Variants in KDM6A observed in about 807,000 individuals in gnomAD.
The protein encoded by KDM6A is lysine demethylase 6A.
In KDM6A, 11 loss-of-function variants were observed where a neutral mutation model predicts 117.6. The observed-to-expected ratio is 0.09, with a 90% CI of 0.06 to 0.15. The LOEUF (loss-of-function observed/expected upper bound fraction) is 0.15, where lower values mean the gene tolerates loss of function less well. Ranked by LOEUF, KDM6A falls within the 10% of genes least tolerant of loss-of-function variation. KDM6A has a pLI of 1.00. For synonymous variants in KDM6A, 384 were observed against 396.1 expected, an observed-to-expected ratio of 0.97 and a Z score of 0.36; for missense variants, 799 against 1,077.3, an observed-to-expected ratio of 0.74 and a Z score of 3.62.
At chrX:44,886,738 G>A (rs2032923203) in intron 2 of KDM6A, among the ~76,000 whole-genome samples, 1 of 109,463 alleles carries the variant, frequency 9.1e-6, no homozygotes, top group Non-Finnish European at 1.9e-5. Context: ...TGATCCACCC[G>A]CCTCTGCCTC....
intron 2 of KDM6A, among the ~76,000 whole-genome samples, chrX:44,920,399 G>C (rs2035838385): frequency 9.0e-6 from 1 of 110,780 alleles, no homozygotes; most frequent in South Asian, 3.7e-4. Flanking sequence ...AGCTTCTCTA[G>C]TTTTCATTAA....
intron 6 of KDM6A, among the ~76,000 whole-genome samples, chrX:45,023,809 G>A (rs2042262391): frequency 9.1e-6 from 1 of 110,110 alleles, no homozygotes; most frequent in Admixed American, 9.7e-5. Context: ...TCTCTTCCCC[G>A]AGTCCCCAAA....
chrX:45,054,248 T>C (rs897606933), intron 10 of KDM6A, among the ~76,000 whole-genome samples: 3 of 112,026 alleles, frequency 2.7e-5, no homozygotes, highest in Non-Finnish European at 5.6e-5. Context: ...TAACTTTTAA[T>C]GAAGTATTTA....
chrX:45,020,738 G>A lies in KDM6A; in HGVS notation c.564+8G>A, dbSNP rs2147669224. 8.3e-7 allele frequency: 1 copy of A among 1,205,979 alleles called. No individual in the cohort carries two copies. The highest frequency in any genetic ancestry group is 1.7e-5 in the African/African-American group (1 of 57,610). The stretch of plus-strand genomic sequence containing the variant: ...TATGAGTCTAGTTTAAAGGTAGGTT[G>A]TTGGGTTTTTTCAAGATACAATGTT... On this transcript the variant is annotated splice_region_variant and intron_variant, in intron 6 of 29. Transcript: ENST00000611820.
In KDM6A at chrX:45,030,975, G is replaced by A. The variant is rs560218576; in HGVS notation, c.565-3956G>A. Among the ~76,000 whole-genome samples, 9 of 112,119 alleles carry A rather than the reference G, an allele frequency of 8.0e-5. No homozygotes were observed. The South Asian group carries it at 3.3e-3, about 41-fold the overall frequency. On this transcript the variant is annotated intron_variant, in intron 6 of 29. Coordinates refer to ENST00000611820, the MANE Select transcript of KDM6A (RefSeq NM_001291415.2). ...CTCCCGAAGTGCTGAGATTATAGGT[G>A]TGAGCCACCATGCCCTGCCCTAAAT...
intron 2 of KDM6A, among the ~76,000 whole-genome samples, chrX:44,894,095 C>G (rs929509867): frequency 9.0e-6 from 1 of 111,374 alleles, no homozygotes; most frequent in African/African-American, 3.3e-5. Context: ...ATGAGTGTAT[C>G]TCATATGTAA....
At chrX:44,875,360 T>C (rs188162175) in intron 2 of KDM6A, among the ~76,000 whole-genome samples, 1 of 112,064 alleles carries the variant, frequency 8.9e-6, no homozygotes, top group Admixed American at 9.6e-5. Context: ...AATTATAAGG[T>C]GTTATATTGC....
chrX:44,984,254 G>C (rs2040074511), intron 4 of KDM6A, among the ~76,000 whole-genome samples: 1 of 110,791 alleles, frequency 9.0e-6, no homozygotes, highest in African/African-American at 3.3e-5. Flanking sequence ...TTGTTGATGG[G>C]GTTGTTTGTT....
chrX:44,917,025 C>CT (rs375157616), intron 2 of KDM6A, among the ~76,000 whole-genome samples: 6,145 of 96,583 alleles, frequency 0.064, 564 homozygotes, highest in African/African-American at 0.21. Flanking sequence ...TATATACTCA[C>CT]TTTTTTTTTT....
At chrX:44,921,194 A>C (rs56247424) in intron 2 of KDM6A, among the ~76,000 whole-genome samples, 4,149 of 111,500 alleles carry the variant, frequency 0.037, 94 homozygotes, top group Non-Finnish European at 0.061. Flanking sequence ...AATTTTTTCA[A>C]AAACTCTTTT....
intron 6 of KDM6A, among the ~76,000 whole-genome samples, chrX:45,025,288 G>T (rs1235189692): frequency 9.0e-6 from 1 of 110,753 alleles, no homozygotes; most frequent in African/African-American, 3.3e-5. Context: ...TCAGCCTCCC[G>T]AGTAGCTGGG....
intron 3 of KDM6A, 97 bp from the exon 4 acceptor site, chrX:44,974,569 A>T (rs190293239): frequency 1.1e-4 from 68 of 591,642 alleles, no homozygotes; most frequent in Middle Eastern, 3.9e-4. Context: ...ATCTACTGGG[A>T]GGTGGGTGTG....
intron 6 of KDM6A, among the ~76,000 whole-genome samples, chrX:45,031,948 A>C (rs1450525671): frequency 1.8e-5 from 2 of 110,888 alleles, no homozygotes; most frequent in African/African-American, 6.7e-5. Flanking sequence ...TTTGGTGATA[A>C]AGATGTCAAC....
At chrX:45,007,775 T>A (rs1486225593) in intron 4 of KDM6A, among the ~76,000 whole-genome samples, 1 of 111,335 alleles carries the variant, frequency 9.0e-6, no homozygotes, top group Non-Finnish European at 1.9e-5. Context: ...TAGTTAAGAG[T>A]GAGCTCTGGA....
At chrX:45,050,626 TGA>T (rs1569531074) in intron 8 of KDM6A, among the ~76,000 whole-genome samples, 6 of 111,928 alleles carry the variant, frequency 5.4e-5, no homozygotes, top group Non-Finnish European at 1.1e-4. Context: ...ATACTGGTAA[TGA>T]TATGAATAAA....
intron 2 of KDM6A, among the ~76,000 whole-genome samples, chrX:44,885,697 C>T (rs1162268550): frequency 2.7e-5 from 3 of 110,288 alleles, no homozygotes; most frequent in East Asian, 2.9e-4. Flanking sequence ...AGTGAAACCC[C>T]GTCTCTACTA....
intron 5 of KDM6A, among the ~76,000 whole-genome samples, chrX:45,015,878 A>G (rs1342257908): frequency 8.9e-6 from 1 of 112,005 alleles, no homozygotes; most frequent in East Asian, 2.8e-4. Flanking sequence ...GAATAAAAAC[A>G]TAAATCTTGC....
At chrX:45,046,025 G>T (rs2043522218) in intron 8 of KDM6A, among the ~76,000 whole-genome samples, 1 of 111,346 alleles carries the variant, frequency 9.0e-6, no homozygotes, top group Admixed American at 9.6e-5. Flanking sequence ...TATACAGACT[G>T]ATATCATGAT....
At chrX:44,982,628 G>A (rs1467378319) in intron 4 of KDM6A, among the ~76,000 whole-genome samples, 2 of 111,864 alleles carry the variant, frequency 1.8e-5, no homozygotes, top group Non-Finnish European at 3.8e-5. Context: ...CCTTAAAACA[G>A]TTTCACTAAA....
Sources: allele counts gnomAD v4.1 joint callset (sites outside exome capture counted in the v4.1 genomes callset), GRCh38; gene constraint gnomAD v4.1.1; transcripts MANE v1.5; gene names NCBI Gene and HGNC (gene_info 2026-07-23, HGNC 2026-07-21).